Variants in MUC13 observed in about 807,000 individuals in gnomAD.
The protein encoded by MUC13 is mucin 13, cell surface associated.
MUC13 carries 32 observed loss-of-function variants against 48.3 expected under a neutral mutation model. That is an observed-to-expected ratio of 0.66 (90% CI 0.50 to 0.89). MUC13 has a LOEUF of 0.89. Among genes scored for constraint, MUC13 ranks in the 40% least tolerant of loss-of-function variants. MUC13 has a pLI of 0.00. For synonymous variants in MUC13, 199 were observed against 224.9 expected, an observed-to-expected ratio of 0.88 and a Z score of 1.03; for missense variants, 571 against 622.8, an observed-to-expected ratio of 0.92 and a Z score of 0.88.
At chr3:124,924,777 GT>G (rs1259234327) in intron 2 of MUC13, among the ~76,000 whole-genome samples, 1 of 152,002 alleles carries the variant, frequency 6.6e-6, no homozygotes, top group African/African-American at 2.4e-5. Flanking sequence ...TGTTTGAGCT[GT>G]TTTTTCCATA....
rs564176890 is a variant in MUC13 at position 124,914,465 on chromosome 3, G to A, written c.965-784C>T. Among the ~76,000 whole-genome samples, 7 of 152,162 alleles carry A rather than the reference G, an allele frequency of 4.6e-5. No homozygotes were observed. The South Asian group carries it at 1.4e-3, about 32-fold the overall frequency. ...GAATGGAGTGGGGGAGAGAATAGGA[G>A]TAGGTAGAGTCATATGGCTCCTCTC... is the stretch of plus-strand genomic sequence containing the variant. On this transcript the variant is annotated intron_variant, in intron 6 of 11. Coordinates refer to ENST00000616727, the MANE Select transcript of MUC13 (RefSeq NM_033049.4).
intron 6 of MUC13, among the ~76,000 whole-genome samples, chr3:124,914,513 C>G (rs769097895): frequency 5.9e-5 from 9 of 152,164 alleles, no homozygotes; most frequent in Non-Finnish European, 1.0e-4. Context: ...CAAACTGTAA[C>G]TGAGCCTCCT....
In MUC13 at chr3:124,920,328, T is replaced by A. The variant is rs181651060; in HGVS notation, c.745-39A>T. 1.1e-3 allele frequency: 1,705 copies of A among 1,490,062 alleles called. 21 individuals are homozygous for A. The East Asian group carries it at 0.03, about 26-fold the overall frequency. The allele number at this position is 1,490,062 out of a possible 1,614,324, so 92.3% of individuals were successfully genotyped here. A position where few individuals can be genotyped will look rare whatever the true frequency, so the allele number is the denominator to read the frequency against. On this transcript the variant is annotated intron_variant, in intron 4 of 11. Coordinates refer to ENST00000616727, the MANE Select transcript of MUC13 (RefSeq NM_033049.4). ...CAGATTTAATAACAAGTAAAAAAAA[T>A]TTTTTTTTCACATTTTCTACAAATC...
chr3:124,916,661 T>C (rs1579365034), intron 5 of MUC13, among the ~76,000 whole-genome samples, 181 bp from the exon 6 acceptor site: 1 of 151,834 alleles, frequency 6.6e-6, no homozygotes, highest in South Asian at 2.1e-4. Context: ...GGCTTGGAGG[T>C]CTCTATTTGA....
intron 2 of MUC13, among the ~76,000 whole-genome samples, chr3:124,926,091 T>C (rs960005392): frequency 6.6e-6 from 1 of 152,140 alleles, no homozygotes; most frequent in Non-Finnish European, 1.5e-5. Flanking sequence ...AAAGATGACT[T>C]GGGAAATCTT....
rs760028391 is a variant in MUC13, at chr3:124,916,507, A to G, written c.801-27T>C. The G allele has an allele frequency of 2.5e-6, 4 of 1,589,338 alleles. No homozygotes were observed. The East Asian group carries it at 9.0e-5, about 36-fold the overall frequency. On this transcript the variant is annotated intron_variant, in intron 5 of 11. Coordinates refer to ENST00000616727, the MANE Select transcript of MUC13 (RefSeq NM_033049.4). ...TAAAAATGAGATGAATCTGTCACTT[A>G]ATGAATTGAACTGAAGAATCAACAA...
At chr3:124,927,133 G>A (rs933847379) in intron 2 of MUC13, among the ~76,000 whole-genome samples, 2 of 152,112 alleles carry the variant, frequency 1.3e-5, no homozygotes, top group African/African-American at 4.8e-5. Context: ...TCTTCCTTAG[G>A]TAGACCAGAG....
chr3:124,928,072 C>A, intron 1 of MUC13, 79 bp from the exon 2 acceptor site: 3 of 1,005,102 alleles, frequency 3.0e-6, no homozygotes, highest in Non-Finnish European at 4.2e-6. Context: ...TAAATCATAT[C>A]CAACTCATTC....
intron 1 of MUC13, among the ~76,000 whole-genome samples, chr3:124,931,796 G>A (rs996614959): frequency 6.6e-6 from 1 of 151,686 alleles, no homozygotes; most frequent in Non-Finnish European, 1.5e-5. Flanking sequence ...TGTAATCCCA[G>A]AACTTTGGGA....
intron 10 of MUC13, 81 bp from the exon 11 acceptor site, chr3:124,908,429 T>A: frequency 1.8e-6 from 2 of 1,124,854 alleles, no homozygotes; most frequent in Non-Finnish European, 2.5e-6. Flanking sequence ...TTTAAAAATA[T>A]TTTTAAATTC....
chr3:124,913,923 A>G (rs1217381415), intron 6 of MUC13, among the ~76,000 whole-genome samples: 1 of 152,150 alleles, frequency 6.6e-6, no homozygotes, highest in Non-Finnish European at 1.5e-5. Context: ...TTAGCTGGGC[A>G]TGGTGGCAAG....
Position 124,905,936 on chromosome 3 carries a change from T to C in MUC13, c.*807A>G, listed in dbSNP as rs915723661. On this transcript the variant is annotated 3_prime_UTR_variant, in exon 12 of 12. Transcript: ENST00000616727. ...GGATCCCAGGTGCCTCCTCTCTAATTGATCCTCCCCACCCAGTTTCCTTTG... is the reference window on the plus strand; with the variant it reads ...GGATCCCAGGTGCCTCCTCTCTAATCGATCCTCCCCACCCAGTTTCCTTTG... The C allele has an allele frequency of 1.8e-4, 27 of 152,654 alleles. No homozygotes were observed. The highest frequency in any genetic ancestry group is 6.3e-4 in the African/African-American group (26 of 41,462). The allele number at this position is 152,654 out of a possible 1,614,324, so 9.5% of individuals were successfully genotyped here. A position where few individuals can be genotyped will look rare whatever the true frequency, so the allele number is the denominator to read the frequency against.
chr3:124,932,102 C>T (rs904466999), intron 1 of MUC13, among the ~76,000 whole-genome samples: 1 of 151,966 alleles, frequency 6.6e-6, no homozygotes, highest in Admixed American at 6.6e-5. Context: ...ACCTTAGTAG[C>T]CACAAAACTG....
chr3:124,914,580 C>A (rs920466123), intron 6 of MUC13, among the ~76,000 whole-genome samples: 3 of 152,142 alleles, frequency 2.0e-5, no homozygotes, highest in African/African-American at 4.8e-5. Flanking sequence ...AGAGATTCTA[C>A]AATTTTGGGC....
At chr3:124,908,377 G>C in intron 10 of MUC13, 29 bp from the exon 11 acceptor site, 1 of 1,558,000 alleles carries the variant, frequency 6.4e-7, no homozygotes, top group Non-Finnish European at 8.8e-7. Flanking sequence ...ATTAGGATTT[G>C]ACAATGGCAG....
At chr3:124,928,068 A>G in intron 1 of MUC13, 75 bp from the exon 2 acceptor site, 1 of 1,077,638 alleles carries the variant, frequency 9.3e-7, no homozygotes, top group East Asian at 2.4e-5. Context: ...ATACTAAATC[A>G]TATCCAACTC....
intron 11 of MUC13, among the ~76,000 whole-genome samples, chr3:124,907,644 TTA>T (rs766187013): frequency 0.053 from 7,553 of 142,542 alleles, 254 homozygotes; most frequent in East Asian, 0.14. Flanking sequence ...CAAATAGAAC[TTA>T]TATATATATA....
intron 1 of MUC13, among the ~76,000 whole-genome samples, chr3:124,930,812 T>C (rs753759948): frequency 2.0e-5 from 3 of 152,318 alleles, no homozygotes; most frequent in Non-Finnish European, 2.9e-5. Flanking sequence ...TGATGAGATG[T>C]TGGTTCCCAA....
At chr3:124,930,525 T>G (rs566914289) in intron 1 of MUC13, among the ~76,000 whole-genome samples, 5 of 152,182 alleles carry the variant, frequency 3.3e-5, no homozygotes, top group Non-Finnish European at 7.4e-5. Context: ...AATCTATAGA[T>G]AACAGAAATA....
Sources: allele counts gnomAD v4.1 joint callset (sites outside exome capture counted in the v4.1 genomes callset), GRCh38; gene constraint gnomAD v4.1.1; transcripts MANE v1.5; gene names NCBI Gene and HGNC (gene_info 2026-07-23, HGNC 2026-07-21).